The following CPNE4 variants were observed in gnomAD, a reference collection of about 807,000 sequenced individuals.
The protein encoded by CPNE4 is copine-4.
Under a neutral mutation model 67.9 loss-of-function variants are expected in CPNE4, and 25 were observed. The ratio of observed to expected loss-of-function variants is 0.37; its 90% CI spans 0.27 to 0.51. CPNE4 has a LOEUF of 0.51. Among genes scored for constraint, CPNE4 ranks in the 20% least tolerant of loss-of-function variants. CPNE4 has a pLI of 0.93. For missense variants in CPNE4, 464 were observed against 690.8 expected, an observed-to-expected ratio of 0.67 and a Z score of 3.68; for synonymous variants, 242 against 244.9, an observed-to-expected ratio of 0.99 and a Z score of 0.11.
At chr3:132,038,596 G>T (rs540693921), upstream of CPNE4, among the ~76,000 whole-genome samples, 15 of 152,108 alleles carry the variant, frequency 9.9e-5, no homozygotes, top group Non-Finnish European at 1.9e-4. Flanking sequence ...CTCTATTAAT[G>T]AGGTCTCTCA....
intron 1 of CPNE4, among the ~76,000 whole-genome samples, chr3:131,995,254 A>G (rs1363418641): frequency 1.3e-5 from 2 of 152,118 alleles, no homozygotes; most frequent in Admixed American, 6.5e-5. Context: ...ACACATAGCT[A>G]TTTCATGGGT....
intron 7 of CPNE4, among the ~76,000 whole-genome samples, chr3:131,608,160 T>C (rs1258029257): frequency 1.3e-5 from 2 of 152,174 alleles, no homozygotes; most frequent in Admixed American, 1.3e-4. Context: ...ATGCTATATT[T>C]TGAGTGCCTA....
chr3:131,799,106 C>T (rs2084000091), intron 2 of CPNE4, among the ~76,000 whole-genome samples: 1 of 151,786 alleles, frequency 6.6e-6, no homozygotes, highest in South Asian at 2.1e-4. Flanking sequence ...AAAACTGGCT[C>T]CGACAGAAAA....
intron 1 of CPNE4, among the ~76,000 whole-genome samples, chr3:131,948,671 G>T (rs191985925): frequency 6.6e-6 from 1 of 152,072 alleles, no homozygotes; most frequent in Non-Finnish European, 1.5e-5. Context: ...TCTCCACTGC[G>T]TATAGTTTTA....
chr3:131,804,095 T>A (rs1250116381), intron 2 of CPNE4, among the ~76,000 whole-genome samples: 1 of 152,184 alleles, frequency 6.6e-6, no homozygotes, highest in Admixed American at 6.5e-5. Flanking sequence ...ATCCATCCCA[T>A]CAGAGTTAAA....
chr3:131,991,573 G>A (rs2073174772), intron 1 of CPNE4, among the ~76,000 whole-genome samples: 1 of 136,132 alleles, frequency 7.3e-6, no homozygotes, highest in South Asian at 2.6e-4. Flanking sequence ...GCATTCAAGA[G>A]AAAGCAGAAC....
intron 2 of CPNE4, among the ~76,000 whole-genome samples, chr3:131,880,661 AT>A (rs1384356414): frequency 1.3e-5 from 2 of 152,210 alleles, no homozygotes; most frequent in African/African-American, 4.8e-5. Context: ...AGAGACTTGA[AT>A]GTATTCAAAA....
At chr3:131,813,288 A>T (rs1287592799) in intron 2 of CPNE4, among the ~76,000 whole-genome samples, 1 of 151,488 alleles carries the variant, frequency 6.6e-6, no homozygotes, top group Non-Finnish European at 1.5e-5. Context: ...ATGTTTCCAT[A>T]GTGATAAAGA....
intron 2 of CPNE4, among the ~76,000 whole-genome samples, chr3:131,832,144 T>A (rs2085397204): frequency 2.0e-5 from 3 of 152,228 alleles, no homozygotes; most frequent in Admixed American, 6.5e-5. Flanking sequence ...AATGTCATTA[T>A]AGCTTTAGAG....
At chr3:131,588,532 GTTC>G (rs753200652) in intron 7 of CPNE4, among the ~76,000 whole-genome samples, 1 of 152,160 alleles carries the variant, frequency 6.6e-6, no homozygotes, top group Non-Finnish European at 1.5e-5. Context: ...AGGCAGCTTA[GTTC>G]TTCTTCAGGG....
chr3:131,762,434 C>G (rs1003666710), intron 2 of CPNE4, among the ~76,000 whole-genome samples: 1 of 152,052 alleles, frequency 6.6e-6, no homozygotes, highest in Non-Finnish European at 1.5e-5. Flanking sequence ...GATGAAGAAA[C>G]TGAGGGTCAT....
chr3:131,650,066 CA>C (rs2079769955), intron 7 of CPNE4, among the ~76,000 whole-genome samples: 2 of 152,170 alleles, frequency 1.3e-5, no homozygotes, highest in Non-Finnish European at 2.9e-5. Context: ...CGCTGAGAGA[CA>C]GAGTCTCTGT....
At chr3:131,754,148 A>T (rs936982861) in intron 2 of CPNE4, among the ~76,000 whole-genome samples, 6 of 151,860 alleles carry the variant, frequency 4.0e-5, no homozygotes, top group Non-Finnish European at 5.9e-5. Context: ...TTCATAAGGT[A>T]TTTTTTTTAT....
intron 7 of CPNE4, among the ~76,000 whole-genome samples, chr3:131,660,343 G>T (rs551212483): frequency 1.7e-3 from 185 of 107,468 alleles, no homozygotes; most frequent in Middle Eastern, 5.2e-3. Flanking sequence ...AGGCAGAGGA[G>T]GGGTCCCATT....
chr3:131,999,241 T>TAAACAAAAAAAAAAAAAAAAAAAA (rs2073367786), intron 1 of CPNE4, among the ~76,000 whole-genome samples: 1 of 98,832 alleles, frequency 1.0e-5, no homozygotes, highest in African/African-American at 5.4e-5. Flanking sequence ...TTATCCAAGG[T>TAAACAAAAAAAAAAAAAAAAAAAA]AAAAAAAAAA....
chr3:131,789,045 G>GAC (rs2083643016), intron 2 of CPNE4, among the ~76,000 whole-genome samples: 1 of 150,534 alleles, frequency 6.6e-6, no homozygotes, highest in African/African-American at 2.4e-5. Flanking sequence ...CAGAGAGAGA[G>GAC]AGAGAGAGAG....
intron 1 of CPNE4, among the ~76,000 whole-genome samples, chr3:131,970,221 C>T (rs2072464612): frequency 1.3e-5 from 2 of 152,202 alleles, no homozygotes; most frequent in African/African-American, 4.8e-5. Context: ...CTTCACTTAT[C>T]TGTGTCTCTG....
chr3:131,583,494 A>G (rs1937975259), intron 8 of CPNE4, among the ~76,000 whole-genome samples: 1 of 152,192 alleles, frequency 6.6e-6, no homozygotes, highest in Non-Finnish European at 1.5e-5. Context: ...GTCATTCTCA[A>G]TGATTTCTAT....
At chr3:132,004,985 C>T (rs1336617087) in intron 1 of CPNE4, among the ~76,000 whole-genome samples, 2 of 152,184 alleles carry the variant, frequency 1.3e-5, no homozygotes, top group Middle Eastern at 3.4e-3. Flanking sequence ...GATAATTCCT[C>T]TTTTCCACCT....
Sources: gnomAD v4.1 joint callset for allele counts (sites outside exome capture counted in the v4.1 genomes callset) on GRCh38, gnomAD v4.1.1 for gene constraint, MANE v1.5 for transcripts, NCBI Gene and HGNC (gene_info 2026-07-23, HGNC 2026-07-21) for gene names.